Variants in GRAMD1B observed in about 807,000 individuals in gnomAD.
The protein encoded by GRAMD1B is protein Aster-B.
A neutral mutation model predicts 99.7 loss-of-function variants in GRAMD1B; 37 were observed. The ratio of observed to expected loss-of-function variants is 0.37; its 90% CI spans 0.29 to 0.49. The LOEUF is 0.49. GRAMD1B is among the 20% of genes least tolerant of loss of function. GRAMD1B has a pLI of 0.98. For synonymous variants in GRAMD1B, 427 were observed against 387.6 expected (o/e 1.10, Z -1.19); for missense variants, 888 against 1,009.2 (o/e 0.88, Z 1.63).
chr11:123,418,296 G>A (rs1327397821), intron 1 of GRAMD1B, among the ~76,000 whole-genome samples: 1 of 152,182 alleles, frequency 6.6e-6, no homozygotes, highest in African/African-American at 2.4e-5. Context: ...TTCCCAAGGG[G>A]AGTTGGAAGA....
Position 123,591,116 on chromosome 11 carries a change from C to G in GRAMD1B, c.685-2966C>G, listed in dbSNP as rs896817491. ...GGCTACTCTCTGCCCGTGGACCAGC[C>G]GAGAAGAAAGCAGAGCCCGCCATGG... On this transcript the variant is annotated intron_variant, in intron 4 of 19. Coordinates refer to ENST00000635736, the MANE Select transcript of GRAMD1B (RefSeq NM_001387025.1). The surrounding 1 kb of genome is among the most constrained non-coding windows in gnomAD (Gnocchi z 4.7). 1 of 272,232 alleles carries G rather than the reference C, an allele frequency of 3.7e-6. No individual in the cohort carries two copies. The highest frequency in any genetic ancestry group is 5.4e-5 in the Admixed American group (1 of 18,654). 16.9% of individuals were successfully genotyped at this position (272,232 alleles called of 1,614,324 possible).
At chr11:123,415,091 C>CTTTTTT (rs1948184246) in intron 1 of GRAMD1B, among the ~76,000 whole-genome samples, 3 of 96,548 alleles carry the variant, frequency 3.1e-5, no homozygotes, top group Admixed American at 1.1e-4. Context: ...TTTTCTTTTT[C>CTTTTTT]TTTCTTTTTT....
At chr11:123,595,863 C>A (rs564825744) in intron 6 of GRAMD1B, 79 bp from the exon 7 acceptor site, 1 of 720,822 alleles carries the variant, frequency 1.4e-6, no homozygotes, top group South Asian at 1.7e-5. Flanking sequence ...TCTACACTGG[C>A]GCCCCCTGAA....
chr11:123,412,927 A>G (rs565950315), intron 1 of GRAMD1B, among the ~76,000 whole-genome samples: 65 of 152,228 alleles, frequency 4.3e-4, no homozygotes, highest in East Asian at 1.9e-4. Flanking sequence ...GAATACAGGC[A>G]CATGTCATCA....
chr11:123,495,547 C>T (rs1425660025), intron 2 of GRAMD1B, among the ~76,000 whole-genome samples: 2 of 152,092 alleles, frequency 1.3e-5, no homozygotes, highest in African/African-American at 2.4e-5. Flanking sequence ...AGCCCCACTT[C>T]CCCCCACTTT....
chr11:123,441,607 C>A (rs1949409853), intron 1 of GRAMD1B, among the ~76,000 whole-genome samples: 1 of 151,656 alleles, frequency 6.6e-6, no homozygotes, highest in Non-Finnish European at 1.5e-5. Context: ...CATAGTGAGA[C>A]CCCCACCTCT....
chr11:123,378,197 C>T (rs933840647), intron 1 of GRAMD1B, among the ~76,000 whole-genome samples: 7 of 152,254 alleles, frequency 4.6e-5, no homozygotes, highest in African/African-American at 9.6e-5. Flanking sequence ...TTACCAAGAC[C>T]GTGGAATTAG....
chr11:123,420,573 G>A (rs1294814572), intron 1 of GRAMD1B, among the ~76,000 whole-genome samples: 2 of 152,170 alleles, frequency 1.3e-5, no homozygotes, highest in East Asian at 3.8e-4. Context: ...TTAGGGAACA[G>A]ATAGAAACTG....
At chr11:123,380,875 A>T (rs973310200) in intron 1 of GRAMD1B, among the ~76,000 whole-genome samples, 3 of 152,108 alleles carry the variant, frequency 2.0e-5, no homozygotes, top group African/African-American at 7.2e-5. Context: ...TTTTTTATGT[A>T]TCAGGATAAT....
intron 1 of GRAMD1B, among the ~76,000 whole-genome samples, chr11:123,389,112 C>T (rs550565208): frequency 5.9e-5 from 9 of 152,216 alleles, no homozygotes; most frequent in Non-Finnish European, 7.4e-5. Flanking sequence ...CGACCGGGCA[C>T]GGTGGCTCAC....
At chr11:123,590,368 C>T (rs569625235) in intron 4 of GRAMD1B, among the ~76,000 whole-genome samples, 1 of 152,308 alleles carries the variant, frequency 6.6e-6, no homozygotes, top group Admixed American at 6.5e-5. Context: ...CAACTTGAGT[C>T]TCACATTTCA....
intron 7 of GRAMD1B, 145 bp from the exon 8 acceptor site, chr11:123,600,323 C>T (rs1148094): frequency 0.13 from 70,139 of 560,106 alleles, 4,782 homozygotes; most frequent in East Asian, 0.2. Flanking sequence ...ATCACTAAAG[C>T]GGATGTACGT....
intron 1 of GRAMD1B, among the ~76,000 whole-genome samples, chr11:123,363,724 G>T (rs1269274717): frequency 6.6e-6 from 1 of 152,106 alleles, no homozygotes; most frequent in Non-Finnish European, 1.5e-5. Flanking sequence ...GAATTTGGGT[G>T]CTCACTCTAT....
At chr11:123,515,279 A>G (rs1273967716) in intron 2 of GRAMD1B, among the ~76,000 whole-genome samples, 1 of 152,170 alleles carries the variant, frequency 6.6e-6, no homozygotes, top group Non-Finnish European at 1.5e-5. Context: ...CCCGTGAGAT[A>G]TCTAGGTGAA....
In GRAMD1B at chr11:123,473,302, G is replaced by T. The variant is rs929324341; in HGVS notation, c.375-7514G>T. Among the ~76,000 whole-genome samples the T allele has an allele frequency of 2.4e-4, 36 of 152,158 alleles. 2 individuals carry two copies. The highest frequency in any genetic ancestry group is 6.3e-3 in the Middle Eastern group (2 of 316). On this transcript the variant is annotated intron_variant, in intron 1 of 19. Coordinates refer to ENST00000635736, the MANE Select transcript of GRAMD1B (RefSeq NM_001387025.1). ...TGGTCTCGAACTCCTGACCTCAGGTGATCTGCCCACCTCGGCCTCCCAAAG... is the reference window on the plus strand; with the variant it reads ...TGGTCTCGAACTCCTGACCTCAGGTTATCTGCCCACCTCGGCCTCCCAAAG...
At chr11:123,418,945 C>T (rs868336379) in intron 1 of GRAMD1B, among the ~76,000 whole-genome samples, 6 of 152,124 alleles carry the variant, frequency 3.9e-5, no homozygotes, top group Non-Finnish European at 7.4e-5. Context: ...GGACATAAAT[C>T]CTGTGTGGAT....
intron 17 of GRAMD1B, among the ~76,000 whole-genome samples, chr11:123,616,247 G>A (rs565425236): frequency 7.0e-4 from 107 of 152,318 alleles, no homozygotes; most frequent in Non-Finnish European, 1.3e-3. Flanking sequence ...GCGTGAACCC[G>A]GGAGGTAGAG....
chr11:123,594,724 T>C lies in GRAMD1B; in HGVS notation c.770-11T>C. 6.9e-7 allele frequency: 1 copy of C among 1,442,900 alleles called. No homozygotes were observed. Among genetic ancestry groups the C allele is most frequent in the Non-Finnish European group, 9.8e-7 (1 of 1,023,658 alleles). The allele number at this position is 1,442,900 out of a possible 1,614,324, so 89.4% of individuals were successfully genotyped here. On this transcript the variant is annotated splice_polypyrimidine_tract_variant and intron_variant, in intron 5 of 19. Transcript: ENST00000635736. ...TGCCTCTGAGCTCCCCTACCTCCGC[T>C]CCTACCACAGATTACTCATGTGCAC...
chr11:123,491,445 G>A (rs1351985258), intron 2 of GRAMD1B, among the ~76,000 whole-genome samples: 1 of 152,088 alleles, frequency 6.6e-6, no homozygotes, highest in Non-Finnish European at 1.5e-5. Flanking sequence ...AAACCCTCTG[G>A]GAGCAGTGCT....
Sources: allele counts gnomAD v4.1 joint callset (sites outside exome capture counted in the v4.1 genomes callset), GRCh38; gene constraint gnomAD v4.1.1; non-coding constraint Gnocchi (gnomAD v3.1); transcripts MANE v1.5; gene names NCBI Gene and HGNC (gene_info 2026-07-23, HGNC 2026-07-21).